The following BRD4 variants were observed in gnomAD, a reference collection of about 807,000 sequenced individuals.
BRD4 encodes bromodomain-containing protein 4.
Under a neutral mutation model 142.1 loss-of-function variants are expected in BRD4, and 16 were observed. That is an observed-to-expected ratio of 0.11 (90% CI 0.08 to 0.17). BRD4 has a LOEUF of 0.17. Ranked by LOEUF, BRD4 falls within the 10% of genes least tolerant of loss-of-function variation. The probability of loss-of-function intolerance (pLI) is 1.00; values close to 1 mark genes in which losing one functional copy is unlikely to be tolerated. For missense variants in BRD4, 1,424 were observed against 1,810.9 expected (o/e 0.79, Z 3.88); for synonymous variants, 833 against 707.5 (o/e 1.18, Z -2.82).
chr19:15,321,136 A>G (rs2048057916), intron 1 of BRD4, among the ~76,000 whole-genome samples: 1 of 152,142 alleles, frequency 6.6e-6, no homozygotes, highest in Non-Finnish European at 1.5e-5. Flanking sequence ...CGGGAGGCTG[A>G]GGCAGGAGAA....
At chr19:15,278,227 A>G (rs1286178774) in intron 1 of BRD4, among the ~76,000 whole-genome samples, 1 of 151,280 alleles carries the variant, frequency 6.6e-6, no homozygotes, top group African/African-American at 2.4e-5. Flanking sequence ...CAACAGGCAG[A>G]CACATCCTAT....
chr19:15,258,088 C>T (rs959283738), intron 7 of BRD4, among the ~76,000 whole-genome samples: 8 of 152,180 alleles, frequency 5.3e-5, no homozygotes, highest in African/African-American at 1.7e-4. Context: ...CAGCAGGATT[C>T]TGGGACCCGC....
At chr19:15,274,319 C>T (rs1034313050) in intron 1 of BRD4, among the ~76,000 whole-genome samples, 2 of 152,176 alleles carry the variant, frequency 1.3e-5, no homozygotes, top group African/African-American at 4.8e-5. Flanking sequence ...AGAGGGCTTC[C>T]ATGCAGCAGG....
In BRD4 at chr19:15,256,155, T is replaced by C; in HGVS notation, c.1660A>G (p.Lys554Glu). 1 of 1,612,324 alleles carries C rather than the reference T, an allele frequency of 6.2e-7. No homozygotes were observed. The highest frequency in any genetic ancestry group is 8.5e-7 in the Non-Finnish European group (1 of 1,179,902). ...KEKKKEKHKR[K>E]EEVEENKKSK... ...TTTTTATTCTCTTCCACTTCCTCTT[T>C]CCTTTTGTGCTTTTCTTTTTTCTTT... The change falls in exon 9 of 20, where the codon AAA becomes GAA. Residue 554 changes from lysine to glutamate, a missense_variant. Lys to Glu is a moderately conservative substitution (Grantham distance 56). This residue lies in a region of BRD4 where 86 missense variants were observed against 78.9 expected (regional missense o/e 1.09). Coordinates refer to ENST00000679869, the MANE Select transcript of BRD4 (RefSeq NM_001379291.1).
At chr19:15,310,638 C>T (rs370681430) in intron 1 of BRD4, among the ~76,000 whole-genome samples, 29 of 151,816 alleles carry the variant, frequency 1.9e-4, no homozygotes, top group African/African-American at 6.8e-4. Flanking sequence ...GGATTACAGG[C>T]GTGAGCCACC....
intron 1 of BRD4, among the ~76,000 whole-genome samples, chr19:15,273,839 T>C (rs550764617): frequency 6.7e-6 from 1 of 150,108 alleles, no homozygotes; most frequent in Admixed American, 6.6e-5. Flanking sequence ...TTTTTTCATC[T>C]CTAGTAATAA....
chr19:15,310,357 TTCCCCCCCCCC>T lies in BRD4; in HGVS notation c.-35+21922_-35+21932del, dbSNP rs1368624408. On this transcript the variant is annotated intron_variant, in intron 1 of 19. Transcript: ENST00000679869. ...GCACCATGTCCGGCTGATTTTTGGA[TTCCCCCCCCCC>T]CCCCCCCCCCCCGAAGGAGTCTCAC... is the stretch of plus-strand genomic sequence containing the variant. 2.5e-4 allele frequency among the ~76,000 whole-genome samples: 13 copies of T among 51,308 alleles called. 1 individual carries two copies. Among genetic ancestry groups the T allele is most frequent in the South Asian group, 9.5e-4 (1 of 1,058 alleles). The allele number at this position is 51,308 out of a possible 152,430, so 33.7% of individuals were successfully genotyped here.
chr19:15,249,682 G>C (rs1461393063), intron 11 of BRD4, among the ~76,000 whole-genome samples: 1 of 152,126 alleles, frequency 6.6e-6, no homozygotes, highest in East Asian at 1.9e-4. Context: ...CCACCAGCCA[G>C]GTGTGGCAAG....
chr19:15,274,041 C>T (rs936247192), intron 1 of BRD4, among the ~76,000 whole-genome samples: 4 of 152,134 alleles, frequency 2.6e-5, no homozygotes, highest in African/African-American at 4.8e-5. Context: ...AAGCTCCAAA[C>T]GGAGAATTTG....
intron 1 of BRD4, among the ~76,000 whole-genome samples, chr19:15,286,747 T>C (rs1374241345): frequency 6.6e-6 from 1 of 152,198 alleles, no homozygotes; most frequent in African/African-American, 2.4e-5. Context: ...GTCCCCAACA[T>C]ATCTGGATGT....
intron 11 of BRD4, among the ~76,000 whole-genome samples, chr19:15,251,410 G>A (rs1313704142): frequency 3.4e-5 from 4 of 118,786 alleles, no homozygotes; most frequent in Admixed American, 1.1e-4. Flanking sequence ...CAGGAATTTC[G>A]GCTCCAATCC....
intron 4 of BRD4, among the ~76,000 whole-genome samples, chr19:15,266,178 G>A (rs1007440330): frequency 1.3e-5 from 2 of 152,172 alleles, no homozygotes; most frequent in Admixed American, 1.3e-4. Flanking sequence ...CAGGCAGTCC[G>A]AACACACAAT....
chr19:15,253,601 A>AGGCAATGGCTGTG, intron 11 of BRD4: 1 of 1,592,632 alleles, frequency 6.3e-7, no homozygotes, highest in Non-Finnish European at 8.5e-7. Flanking sequence ...GGGGAGGGGT[A>AGGCAATGGCTGTG]GGCAATGGCT....
chr19:15,255,946 G>T, intron 9 of BRD4, 118 bp downstream of exon 9: 2 of 1,368,778 alleles, frequency 1.5e-6, no homozygotes, highest in Non-Finnish European at 1.0e-6. Flanking sequence ...TGAAGCCACG[G>T]CTGCAGAGGG....
intron 1 of BRD4, among the ~76,000 whole-genome samples, chr19:15,310,361 C>CA (rs2047957921): frequency 2.0e-4 from 1 of 5,104 alleles, no homozygotes; most frequent in African/African-American, 8.4e-4. Context: ...TTTGGATTCC[C>CA]CCCCCCCCCC....
chr19:15,324,107 T>A (rs1327372688), intron 1 of BRD4, among the ~76,000 whole-genome samples: 1 of 152,074 alleles, frequency 6.6e-6, no homozygotes, highest in East Asian at 1.9e-4. Context: ...TCTCCTGCTC[T>A]GGTACACGGC....
intron 1 of BRD4, among the ~76,000 whole-genome samples, chr19:15,275,125 C>T (rs1467136796): frequency 6.6e-6 from 1 of 152,182 alleles, no homozygotes; most frequent in Non-Finnish European, 1.5e-5. Flanking sequence ...TCCCAAATTG[C>T]TGGGGTTACA....
intron 11 of BRD4, chr19:15,249,241 G>C (rs567009177): frequency 6.2e-7 from 1 of 1,613,972 alleles, no homozygotes; most frequent in South Asian, 1.1e-5. Context: ...AAGGAATCTG[G>C]AACTGAAGAC....
intron 1 of BRD4, among the ~76,000 whole-genome samples, chr19:15,300,651 A>G (rs1013866901): frequency 6.6e-6 from 1 of 152,044 alleles, no homozygotes; most frequent in South Asian, 2.1e-4. Context: ...CCAAAAAAAA[A>G]AAGAAAGAAA....
Sources: allele counts gnomAD v4.1 joint callset (sites outside exome capture counted in the v4.1 genomes callset), GRCh38; gene constraint gnomAD v4.1.1; regional missense constraint gnomAD v4.1.1; transcripts MANE v1.5; gene names NCBI Gene and HGNC (gene_info 2026-07-23, HGNC 2026-07-21).